Variants in MRGPRX3 observed in about 807,000 individuals in gnomAD.
The protein encoded by MRGPRX3 is MAS related GPR family member X3.
A neutral mutation model predicts 16.5 loss-of-function variants in MRGPRX3; 14 were observed. The ratio of observed to expected loss-of-function variants is 0.85; its 90% CI spans 0.56 to 1.33. The LOEUF (loss-of-function observed/expected upper bound fraction) is 1.33. MRGPRX3 is among the 40% of genes most tolerant of loss of function. The probability of loss-of-function intolerance (pLI) is 0.00; values close to 1 mark genes in which losing one functional copy is unlikely to be tolerated. For synonymous variants in MRGPRX3, 199 were observed against 180.1 expected (o/e 1.10, Z -0.84); for missense variants, 449 against 413.0 (o/e 1.09, Z -0.76).
At chr11:18,123,899 C>T (rs544685334) in intron 1 of MRGPRX3, among the ~76,000 whole-genome samples, 7 of 152,152 alleles carry the variant, frequency 4.6e-5, no homozygotes, top group African/African-American at 9.6e-5. Flanking sequence ...GAAGAGGTCC[C>T]TCACATCCCT....
At chr11:18,130,659 G>GA (rs1392779933), upstream of MRGPRX3, among the ~76,000 whole-genome samples, 2 of 76,344 alleles carry the variant, frequency 2.6e-5, no homozygotes, top group African/African-American at 5.1e-5. Context: ...CACAGAACTA[G>GA]AAAAAAACAA....
At chr11:18,125,340 C>T (rs1234760908) in intron 1 of MRGPRX3, among the ~76,000 whole-genome samples, 3 of 151,982 alleles carry the variant, frequency 2.0e-5, no homozygotes, top group Non-Finnish European at 4.4e-5. Context: ...CTATAAATTT[C>T]CCTCTACACA....
At chr11:18,134,268 T>C (rs943108433) in intron 1 of MRGPRX3, among the ~76,000 whole-genome samples, 1 of 152,240 alleles carries the variant, frequency 6.6e-6, no homozygotes, top group African/African-American at 2.4e-5. Flanking sequence ...AACAAGAAAG[T>C]ATAGTTGTGC....
intron 1 of MRGPRX3, among the ~76,000 whole-genome samples, chr11:18,135,963 A>G (rs532551045): frequency 6.6e-6 from 1 of 152,326 alleles, no homozygotes; most frequent in South Asian, 2.1e-4. Context: ...AAGAGGCAAT[A>G]CCTAATAAAC....
At position 18,127,177 on chromosome 11, in the gene MRGPRX3, G is replaced by A. The variant is rs190547237; in HGVS notation, c.-151-5437G>A. On this transcript the variant is annotated intron_variant, in intron 1 of 2. Transcript: ENST00000396275. ...ATGGGCTTCCCTTTGTGGGTAACCT[G>A]ACCTTTCTCTCTGGCTGCCCTTAAC... is the stretch of plus-strand genomic sequence containing the variant. 3.2e-3 allele frequency among the ~76,000 whole-genome samples: 486 copies of A among 152,318 alleles called. 2 individuals carry two copies. Among genetic ancestry groups the A allele is most frequent in the African/African-American group, 0.011 (471 of 41,566 alleles).
intron 1 of MRGPRX3, among the ~76,000 whole-genome samples, chr11:18,124,422 C>G (rs1330670215): frequency 2.6e-5 from 4 of 152,074 alleles, no homozygotes; most frequent in Admixed American, 2.6e-4. Context: ...TGTCAAAGGC[C>G]TTTTCTGCAT....
intron 1 of MRGPRX3, among the ~76,000 whole-genome samples, chr11:18,124,422 C>T (rs1330670215): frequency 6.6e-6 from 1 of 152,074 alleles, no homozygotes; most frequent in African/African-American, 2.4e-5. Flanking sequence ...TGTCAAAGGC[C>T]TTTTCTGCAT....
chr11:18,133,357 C>T (rs1383894142), intron 1 of MRGPRX3, among the ~76,000 whole-genome samples: 2 of 152,192 alleles, frequency 1.3e-5, no homozygotes, highest in Non-Finnish European at 2.9e-5. Flanking sequence ...TGGAGAAGCC[C>T]TGCGTGGCCA....
chr11:18,128,743 C>T (rs1261808962), upstream of MRGPRX3, among the ~76,000 whole-genome samples: 1 of 152,228 alleles, frequency 6.6e-6, no homozygotes, highest in African/African-American at 2.4e-5. Flanking sequence ...GGTGATGTCT[C>T]GCCCTGCTTC....
intron 1 of MRGPRX3, among the ~76,000 whole-genome samples, chr11:18,134,648 C>T (rs1052590879): frequency 1.3e-5 from 2 of 152,172 alleles, no homozygotes; most frequent in African/African-American, 4.8e-5. Flanking sequence ...AAGCATCATA[C>T]ATCAGAATTC....
At chr11:18,121,296 C>G (rs149290617) in intron 1 of MRGPRX3, 2 of 159,616 alleles carry the variant, frequency 1.3e-5, no homozygotes, top group African/African-American at 2.4e-5. Context: ...GGAGCGTCTC[C>G]GCCCGGCAGC....
chr11:18,124,504 GT>G (rs1424393161), intron 1 of MRGPRX3, among the ~76,000 whole-genome samples: 1 of 151,992 alleles, frequency 6.6e-6, no homozygotes, highest in African/African-American at 2.4e-5. Flanking sequence ...TGATTTGCGT[GT>G]GTTGAACCAG....
chr11:18,137,585 T>C lies in MRGPRX3; in HGVS notation c.383T>C (p.Ile128Thr), dbSNP rs749317039. 12 of 1,614,136 alleles carry C rather than the reference T, an allele frequency of 7.4e-6. No homozygotes were observed. The highest frequency in any genetic ancestry group is 9.3e-6 in the Non-Finnish European group (11 of 1,180,016). Residue 128 changes from isoleucine to threonine, a missense_variant, in exon 2 of 2, where the codon ATC (isoleucine) becomes ACC (threonine). By Grantham distance (89) the Ile-to-Thr change is moderately conservative. Transcript: ENST00000621697. ...CGCTGCCTGTCCATCCTGTGGCCCATCTGGTACCACTGCCGCCGCCCCAGA... is the reference window on the plus strand; with the variant it reads ...CGCTGCCTGTCCATCCTGTGGCCCACCTGGTACCACTGCCGCCGCCCCAGA... ...TERCLSILWP[I>T]WYHCRRPRYL...
intron 1 of MRGPRX3, among the ~76,000 whole-genome samples, chr11:18,135,699 G>A (rs756753187): frequency 4.2e-4 from 64 of 151,436 alleles, no homozygotes; most frequent in Non-Finnish European, 7.5e-4. Flanking sequence ...AATTTTGACT[G>A]TCAACTTGGA....
intron 1 of MRGPRX3, among the ~76,000 whole-genome samples, 178 bp downstream of exon 1, chr11:18,132,917 T>G (rs1848975500): frequency 6.6e-6 from 1 of 152,164 alleles, no homozygotes; most frequent in Admixed American, 6.5e-5. Context: ...CTGTGTGAGC[T>G]CTAAATGGTG....
upstream of MRGPRX3, among the ~76,000 whole-genome samples, chr11:18,130,989 G>T (rs1323657457): frequency 6.6e-6 from 1 of 152,146 alleles, no homozygotes; most frequent in Non-Finnish European, 1.5e-5. Context: ...ACATGTGGAA[G>T]AATGAAACTG....
upstream of MRGPRX3, among the ~76,000 whole-genome samples, chr11:18,129,719 G>T (rs1431959253): frequency 6.6e-6 from 1 of 151,958 alleles, no homozygotes; most frequent in South Asian, 2.1e-4. Flanking sequence ...ACCAGGAAAG[G>T]ATATACAAAA....
upstream of MRGPRX3, among the ~76,000 whole-genome samples, chr11:18,131,278 C>T (rs1848958778): frequency 6.6e-6 from 1 of 152,108 alleles, no homozygotes; most frequent in African/African-American, 2.4e-5. Flanking sequence ...TCTTCACAAA[C>T]TAAGCATCTG....
chr11:18,137,638 C>G lies in MRGPRX3; in HGVS notation c.436C>G (p.Leu146Val). The change falls in exon 2 of 2, where the codon CTC becomes GTC. Residue 146 changes from leucine to valine, a missense_variant. Transcript: ENST00000621697. ...RYLSSVMCVLLWALSLLRSIL... is the reference protein window; with the variant it reads ...RYLSSVMCVLVWALSLLRSIL... ...CCTGTCATCAGTCATGTGTGTCCTG[C>G]TCTGGGCCCTGTCCCTGCTGCGGAG... 1 of 1,614,152 alleles carries G rather than the reference C, an allele frequency of 6.2e-7. No homozygotes were observed. The highest frequency in any genetic ancestry group is 8.5e-7 in the Non-Finnish European group (1 of 1,180,012).
Sources: gnomAD v4.1 joint callset for allele counts (sites outside exome capture counted in the v4.1 genomes callset) on GRCh38, gnomAD v4.1.1 for gene constraint, MANE v1.5 for transcripts, NCBI Gene and HGNC (gene_info 2026-07-23, HGNC 2026-07-21) for gene names.